CACNB4: variants seen among roughly 807,000 people sequenced by gnomAD.
The protein encoded by CACNB4 is voltage-dependent L-type calcium channel subunit beta-4.
A neutral mutation model predicts 71.2 loss-of-function variants in CACNB4; 32 were observed. The ratio of observed to expected loss-of-function variants is 0.45; its 90% confidence interval spans 0.34 to 0.60. The LOEUF (loss-of-function observed/expected upper bound fraction) is 0.60, where lower values mean the gene tolerates loss of function less well. Ranked by LOEUF, CACNB4 falls within the 20% of genes least tolerant of loss-of-function variation. The pLI is 0.01. For missense variants in CACNB4, 464 were observed against 647.9 expected (o/e 0.72, Z 3.08); for synonymous variants, 231 against 236.9 (o/e 0.97, Z 0.23).
intron 2 of CACNB4, among the ~76,000 whole-genome samples, chr2:152,045,506 A>C (rs1027637661): frequency 2.6e-5 from 4 of 152,220 alleles, no homozygotes; most frequent in Non-Finnish European, 4.4e-5. Context: ...AAGAGTGGTC[A>C]CCAGGAGCTG....
intron 2 of CACNB4, among the ~76,000 whole-genome samples, chr2:152,063,116 C>G (rs1686110652): frequency 6.6e-6 from 1 of 152,132 alleles, no homozygotes; most frequent in African/African-American, 2.4e-5. Context: ...CGCAATGTCA[C>G]TGGGAGTTTA....
chr2:151,914,180 T>C (rs2099856916), intron 2 of CACNB4, among the ~76,000 whole-genome samples: 1 of 152,138 alleles, frequency 6.6e-6, no homozygotes, highest in South Asian at 2.1e-4. Flanking sequence ...TTCCTTTTCA[T>C]TCTCTCTATT....
At chr2:152,088,544 A>C (rs72859816) in intron 2 of CACNB4, among the ~76,000 whole-genome samples, 106 of 152,368 alleles carry the variant, frequency 7.0e-4, no homozygotes, top group Non-Finnish European at 1.4e-3. Flanking sequence ...ATTTACTCCC[A>C]AAACAAATAC....
chr2:151,849,988 T>C (rs1353340558), intron 12 of CACNB4, among the ~76,000 whole-genome samples: 1 of 152,052 alleles, frequency 6.6e-6, no homozygotes, highest in Non-Finnish European at 1.5e-5. Context: ...CAGAGATGAG[T>C]AGTTTTGCAA....
rs190846646 is a variant in CACNB4, at chr2:151,993,724, C to T, written c.147+104606G>A. Among the ~76,000 whole-genome samples the T allele has an allele frequency of 4.6e-5, 7 of 151,910 alleles. No individual in the cohort carries two copies. The East Asian group carries it at 7.8e-4, about 17-fold the overall frequency. On this transcript the variant is annotated intron_variant, in intron 2 of 13. Coordinates refer to ENST00000539935, the MANE Select transcript of CACNB4 (RefSeq NM_000726.5). ...GGAGTACAGGTGTGTGCCACCACGC[C>T]GGGCTAATTTTTGTATTTTCAGTAG...
chr2:152,044,408 T>A (rs1439749488), intron 2 of CACNB4, among the ~76,000 whole-genome samples: 1 of 152,038 alleles, frequency 6.6e-6, no homozygotes, highest in Non-Finnish European at 1.5e-5. Flanking sequence ...TTAGTAGAGA[T>A]GGGGTTTCAC....
chr2:151,951,441 T>G (rs946002696), intron 2 of CACNB4, among the ~76,000 whole-genome samples: 1 of 152,114 alleles, frequency 6.6e-6, no homozygotes, highest in African/African-American at 2.4e-5. Context: ...GACGACCACA[T>G]TTTCCAATTT....
At position 151,870,470 on chromosome 2, in the gene CACNB4, C is replaced by T; in HGVS notation, c.699+61G>A. 2.2e-6 allele frequency: 3 copies of T among 1,394,168 alleles called. No individual in the cohort carries two copies. The South Asian group carries it at 3.6e-5, about 17-fold the overall frequency. The allele number at this position is 1,394,168 out of a possible 1,614,324, so 86.4% of individuals were successfully genotyped here. A position where few individuals can be genotyped will look rare whatever the true frequency, so the allele number is the denominator to read the frequency against. ...AAACAGACCCTTGAGGAGCAAGCGT[C>T]AACATGACTGTCTCCTGGGTGCTCG... is the stretch of plus-strand genomic sequence containing the variant. On this transcript the variant is annotated intron_variant, in intron 8 of 13. Transcript: ENST00000539935.
intron 3 of CACNB4, among the ~76,000 whole-genome samples, chr2:151,881,547 T>C (rs2099847857): frequency 6.6e-6 from 1 of 152,220 alleles, no homozygotes; most frequent in African/African-American, 2.4e-5. Flanking sequence ...GGCACAGCAC[T>C]GTGGGGACAC....
At chr2:151,856,705 A>G (rs1452405636) in intron 10 of CACNB4, 1 of 152,030 alleles carries the variant, frequency 6.6e-6, no homozygotes, top group Non-Finnish European at 1.5e-5. Context: ...AAACTATCTA[A>G]CTTAAATTAT....
intron 2 of CACNB4, among the ~76,000 whole-genome samples, chr2:152,055,209 A>C (rs756674640): frequency 2.0e-5 from 3 of 152,146 alleles, no homozygotes; most frequent in Non-Finnish European, 2.9e-5. Context: ...ACAGGGTTTC[A>C]CCATGTTGGC....
chr2:151,898,343 C>T (rs543924251), intron 2 of CACNB4, among the ~76,000 whole-genome samples: 5 of 152,304 alleles, frequency 3.3e-5, no homozygotes, highest in African/African-American at 1.2e-4. Flanking sequence ...CACTTCAAGA[C>T]GGCCAGGGCT....
At chr2:151,960,148 A>T (rs1188179170) in intron 2 of CACNB4, among the ~76,000 whole-genome samples, 2 of 152,236 alleles carry the variant, frequency 1.3e-5, no homozygotes, top group African/African-American at 4.8e-5. Flanking sequence ...CTTAGCTTTC[A>T]GAAAGCCCCT....
intron 8 of CACNB4, 89 bp downstream of exon 8, chr2:151,870,442 T>A: frequency 9.0e-7 from 1 of 1,108,322 alleles, no homozygotes; most frequent in Non-Finnish European, 1.4e-6. Flanking sequence ...AGGACCCACG[T>A]GGAAACAGAC....
Position 152,096,126 on chromosome 2 carries a change from G to A in CACNB4, c.147+2204C>T, listed in dbSNP as rs141371951. Among the ~76,000 whole-genome samples the A allele has an allele frequency of 1.2e-4, 19 of 152,262 alleles. No homozygotes were observed. The East Asian group carries it at 3.7e-3, about 29-fold the overall frequency. Reference sequence around the variant, plus strand: ...TATTTTTATTGTAGCCAATACAGAAGTCTGTATGATGTCATTTGAATGAGA... The same window carrying A: ...TATTTTTATTGTAGCCAATACAGAAATCTGTATGATGTCATTTGAATGAGA... On this transcript the variant is annotated intron_variant, in intron 2 of 13. Coordinates refer to ENST00000539935, the MANE Select transcript of CACNB4 (RefSeq NM_000726.5).
intron 2 of CACNB4, among the ~76,000 whole-genome samples, chr2:151,981,629 C>G (rs2099874735): frequency 6.6e-6 from 1 of 152,034 alleles, no homozygotes; most frequent in African/African-American, 2.4e-5. Flanking sequence ...CACTTATTTA[C>G]CTTTGAAAAA....
chr2:152,074,549 A>G (rs1686889610), intron 2 of CACNB4, among the ~76,000 whole-genome samples: 1 of 148,502 alleles, frequency 6.7e-6, no homozygotes, highest in Admixed American at 6.7e-5. Context: ...CAGCACCACC[A>G]CAACCGTCAC....
At chr2:151,885,255 C>G (rs2099849069) in intron 2 of CACNB4, among the ~76,000 whole-genome samples, 1 of 152,234 alleles carries the variant, frequency 6.6e-6, no homozygotes, top group Non-Finnish European at 1.5e-5. Flanking sequence ...TAAAGAGGGA[C>G]AGTGCCTACT....
chr2:151,971,352 T>C, intron 2 of CACNB4: 1 of 600,196 alleles, frequency 1.7e-6, no homozygotes, highest in Non-Finnish European at 3.0e-6. Context: ...AAAGACATTT[T>C]CAACAGCACA....
Sources: gnomAD v4.1 joint callset for allele counts (sites outside exome capture counted in the v4.1 genomes callset) on GRCh38, gnomAD v4.1.1 for gene constraint, MANE v1.5 for transcripts, NCBI Gene and HGNC (gene_info 2026-07-23, HGNC 2026-07-21) for gene names.